Variants in DLG2 observed in about 807,000 individuals in gnomAD.
DLG2 encodes discs large MAGUK scaffold protein 2.
In DLG2, 45 loss-of-function variants were observed where a neutral mutation model predicts 132.5. The observed-to-expected ratio is 0.34, with a 90% CI of 0.27 to 0.44. The LOEUF is 0.44. Among genes scored for constraint, DLG2 ranks in the 20% least tolerant of loss-of-function variants. DLG2 has a pLI of 1.00. For missense variants in DLG2, 1,045 were observed against 1,196.9 expected, an observed-to-expected ratio of 0.87 and a Z score of 1.87; for synonymous variants, 424 against 419.6, an observed-to-expected ratio of 1.01 and a Z score of -0.13.
intron 6 of DLG2, among the ~76,000 whole-genome samples, chr11:84,589,218 G>T (rs2099537108): frequency 6.6e-6 from 1 of 152,148 alleles, no homozygotes. Flanking sequence ...GAAAATAAAT[G>T]TCTGTGAGTC....
chr11:84,212,351 T>C lies in DLG2; in HGVS notation c.573+38887A>G, dbSNP rs1164587425. Among the ~76,000 whole-genome samples the C allele has an allele frequency of 2.0e-5, 3 of 152,210 alleles. No individual in the cohort carries two copies. The East Asian group carries it at 5.8e-4, about 29-fold the overall frequency. The stretch of plus-strand genomic sequence containing the variant: ...ATCCAGGTTCTGTGGGGCTTGAATC[T>C]TATATAATTTGGGGACCTCTTATTT... On this transcript the variant is annotated intron_variant, in intron 8 of 27. Coordinates refer to ENST00000376104, the MANE Select transcript of DLG2 (RefSeq NM_001142699.3).
intron 6 of DLG2, among the ~76,000 whole-genome samples, chr11:85,088,318 T>A (rs1430793513): frequency 6.6e-6 from 1 of 152,242 alleles, no homozygotes; most frequent in African/African-American, 2.4e-5. Flanking sequence ...TATATATTTC[T>A]GTTGTGTGAG....
At chr11:83,686,873 C>T (rs887906983) in intron 18 of DLG2, among the ~76,000 whole-genome samples, 6 of 152,084 alleles carry the variant, frequency 3.9e-5, no homozygotes, top group African/African-American at 1.2e-4. Context: ...AGTCCTTGCC[C>T]CCAGTACCTC....
At chr11:85,096,114 T>C (rs896107769) in intron 6 of DLG2, among the ~76,000 whole-genome samples, 4 of 151,626 alleles carry the variant, frequency 2.6e-5, no homozygotes, top group Non-Finnish European at 5.9e-5. Context: ...AATGGGACAA[T>C]CAGCACTCTG....
intron 6 of DLG2, among the ~76,000 whole-genome samples, chr11:85,104,934 T>C (rs894096740): frequency 2.1e-5 from 3 of 144,206 alleles, no homozygotes; most frequent in Non-Finnish European, 4.5e-5. Context: ...TGGGTGAATA[T>C]TGAGGTCCAC....
chr11:84,242,696 G>A (rs1196623017), intron 8 of DLG2, among the ~76,000 whole-genome samples: 8 of 152,166 alleles, frequency 5.3e-5, no homozygotes, highest in East Asian at 3.9e-4. Flanking sequence ...GTGAGCCACC[G>A]CACCTGGCCA....
intron 4 of DLG2, among the ~76,000 whole-genome samples, chr11:85,270,552 G>C (rs911735614): frequency 1.3e-5 from 2 of 152,214 alleles, no homozygotes; most frequent in Non-Finnish European, 1.5e-5. Flanking sequence ...GCAGAGGTTG[G>C]AACAGTTTGG....
At chr11:85,307,255 A>G (rs1253856510) in intron 3 of DLG2, among the ~76,000 whole-genome samples, 1 of 152,250 alleles carries the variant, frequency 6.6e-6, no homozygotes, top group Non-Finnish European at 1.5e-5. Context: ...ACTGGAGGAA[A>G]AATTAAAAGT....
chr11:84,022,007 A>T (rs1198790324), intron 11 of DLG2, among the ~76,000 whole-genome samples: 2 of 152,132 alleles, frequency 1.3e-5, no homozygotes, highest in African/African-American at 4.8e-5. Flanking sequence ...TCGGCTTCCC[A>T]AAGTGCTGGG....
intron 6 of DLG2, among the ~76,000 whole-genome samples, chr11:84,639,707 T>C (rs2099651716): frequency 6.6e-6 from 1 of 152,052 alleles, no homozygotes; most frequent in African/African-American, 2.4e-5. Flanking sequence ...GCAAAGACAA[T>C]CACACATGGG....
At chr11:83,889,829 A>G (rs1381945431) in intron 15 of DLG2, among the ~76,000 whole-genome samples, 1 of 152,060 alleles carries the variant, frequency 6.6e-6, no homozygotes, top group African/African-American at 2.4e-5. Context: ...ATGAAATTGG[A>G]AATCATCATT....
chr11:84,346,927 C>T (rs2098541898), intron 7 of DLG2, among the ~76,000 whole-genome samples: 1 of 151,736 alleles, frequency 6.6e-6, no homozygotes. Flanking sequence ...TTATGAAATG[C>T]CTTTCAAGAC....
At chr11:85,579,843 T>G (rs11234370) in intron 3 of DLG2, among the ~76,000 whole-genome samples, 4,503 of 152,182 alleles carry the variant, frequency 0.03, 113 homozygotes, top group Middle Eastern at 0.048. Context: ...TGAGCCACTG[T>G]GCTCAGCCAT....
At chr11:84,246,417 T>C (rs2097302923) in intron 8 of DLG2, among the ~76,000 whole-genome samples, 1 of 152,168 alleles carries the variant, frequency 6.6e-6, no homozygotes, top group Non-Finnish European at 1.5e-5. Flanking sequence ...AGTTTCTGTG[T>C]TCAAGTAACT....
intron 8 of DLG2, among the ~76,000 whole-genome samples, chr11:84,203,692 T>C (rs555392578): frequency 1.3e-5 from 2 of 150,996 alleles, no homozygotes; most frequent in East Asian, 3.9e-4. Flanking sequence ...AACCAAGCAC[T>C]ACATATTCTC....
At chr11:85,617,701 G>A (rs896449565) in intron 2 of DLG2, among the ~76,000 whole-genome samples, 4 of 152,116 alleles carry the variant, frequency 2.6e-5, no homozygotes, top group Admixed American at 2.0e-4. Flanking sequence ...AAGAATTTTA[G>A]CTTGTTTATT....
chr11:83,855,527 T>G (rs945703241), intron 16 of DLG2, among the ~76,000 whole-genome samples: 2 of 152,010 alleles, frequency 1.3e-5, no homozygotes, highest in African/African-American at 4.8e-5. Flanking sequence ...CAGAAGTACA[T>G]GGAGGAAACT....
intron 6 of DLG2, among the ~76,000 whole-genome samples, chr11:84,876,311 T>C (rs1600541100): frequency 6.6e-6 from 1 of 152,216 alleles, no homozygotes; most frequent in Non-Finnish European, 1.5e-5. Flanking sequence ...ATCCATCTGG[T>C]CCTAGACTTT....
At chr11:85,286,582 T>G (rs1378257042) in intron 3 of DLG2, among the ~76,000 whole-genome samples, 1 of 152,006 alleles carries the variant, frequency 6.6e-6, no homozygotes, top group Admixed American at 6.6e-5. Context: ...GCAATGAGGG[T>G]GTCTATATGA....
Sources: allele counts gnomAD v4.1 joint callset (sites outside exome capture counted in the v4.1 genomes callset), GRCh38; gene constraint gnomAD v4.1.1; transcripts MANE v1.5; gene names NCBI Gene and HGNC (gene_info 2026-07-23, HGNC 2026-07-21).